The following CFAP77 variants were observed in gnomAD, a reference collection of about 807,000 sequenced individuals.
CFAP77 encodes the protein cilia and flagella associated protein 77, also known as cilia- and flagella-associated protein 77.
CFAP77 carries 25 observed loss-of-function variants against 31.1 expected under a neutral mutation model. The observed-to-expected ratio is 0.80, with a 90% CI of 0.59 to 1.12. CFAP77 has a LOEUF of 1.12. Among genes scored for constraint, CFAP77 ranks in the 50% most tolerant of loss-of-function variants. CFAP77 has a pLI of 0.00. For synonymous variants in CFAP77, 151 were observed against 159.9 expected (o/e 0.94, Z 0.42); for missense variants, 377 against 397.3 (o/e 0.95, Z 0.44).
chr9:132,547,997 GGA>G (rs1236349272), intron 5 of CFAP77, among the ~76,000 whole-genome samples: 2 of 152,136 alleles, frequency 1.3e-5, no homozygotes, highest in Non-Finnish European at 2.9e-5. Flanking sequence ...GCCCAAAGAT[GGA>G]GAGTGAGTGC....
chr9:132,544,793 G>A (rs1852707857), intron 5 of CFAP77, among the ~76,000 whole-genome samples: 1 of 152,162 alleles, frequency 6.6e-6, no homozygotes, highest in Admixed American at 6.5e-5. Context: ...ACCATGCTCA[G>A]CTACCTCCCT....
At chr9:132,523,637 G>A (rs1004715246) in intron 3 of CFAP77, among the ~76,000 whole-genome samples, 11 of 152,344 alleles carry the variant, frequency 7.2e-5, no homozygotes, top group African/African-American at 2.6e-4. Flanking sequence ...AGCCCTGACT[G>A]AGAGGCCTGT....
chr9:132,456,408 C>T (rs1850914084), intron 1 of CFAP77, among the ~76,000 whole-genome samples: 1 of 152,152 alleles, frequency 6.6e-6, no homozygotes, highest in Non-Finnish European at 1.5e-5. Flanking sequence ...CTTCATATTC[C>T]CTACGGCGCC....
chr9:132,537,581 T>C lies in CFAP77; in HGVS notation c.525-20T>C, dbSNP rs575580066. 6.3e-7 allele frequency: 1 copy of C among 1,596,324 alleles called. No individual in the cohort carries two copies. Among genetic ancestry groups the C allele is most frequent in the East Asian group, 2.2e-5 (1 of 44,556 alleles). Reference sequence around the variant, plus strand: ...GGTCTTTCCGGGGCCTCAAGCTCTGTCTGGACTTCTTCCCTCCAGGCCTTC... The same window carrying C: ...GGTCTTTCCGGGGCCTCAAGCTCTGCCTGGACTTCTTCCCTCCAGGCCTTC... On this transcript the variant is annotated intron_variant, in intron 3 of 5. Coordinates refer to ENST00000393216, the MANE Select transcript of CFAP77 (RefSeq NM_001282957.2).
intron 5 of CFAP77, among the ~76,000 whole-genome samples, chr9:132,559,366 A>AAAAAAAAAAAAAAAAAAT (rs1852959291): frequency 7.1e-6 from 1 of 141,292 alleles, no homozygotes. Context: ...AAAAAAAAAA[A>AAAAAAAAAAAAAAAAAAT]GGCAAAAGAT....
chr9:132,502,277 T>TGGGGG (rs140877509), intron 3 of CFAP77, among the ~76,000 whole-genome samples: 2 of 123,436 alleles, frequency 1.6e-5, no homozygotes, highest in African/African-American at 6.1e-5. Context: ...TTTTTTTTTT[T>TGGGGG]GGGGGAGGGG....
chr9:132,489,722 C>T (rs1254743378), intron 1 of CFAP77, among the ~76,000 whole-genome samples: 1 of 152,248 alleles, frequency 6.6e-6, no homozygotes. Flanking sequence ...GCCAGCTGTC[C>T]CAGGACCTTT....
In CFAP77 at chr9:132,499,359, T is replaced by C. The variant is rs372733329; in HGVS notation, c.296-13T>C. 4 of 1,613,278 alleles carry C rather than the reference T, an allele frequency of 2.5e-6. No individual in the cohort carries two copies. The highest frequency in any genetic ancestry group is 3.4e-6 in the Non-Finnish European group (4 of 1,179,640). ...GGCTGACCACTGCCCCGTGGGTCTC[T>C]CCCTGCCCTCAGCCATCGGACGCTG... On this transcript the variant is annotated splice_polypyrimidine_tract_variant and intron_variant, in intron 2 of 5. Coordinates refer to ENST00000393216, the MANE Select transcript of CFAP77 (RefSeq NM_001282957.2). This position sits in a 1 kb window ranked among gnomAD's most constrained non-coding sequence, Gnocchi z 5.4.
chr9:132,414,280 A>G (rs1157276198), intron 1 of CFAP77, among the ~76,000 whole-genome samples: 1 of 152,202 alleles, frequency 6.6e-6, no homozygotes, highest in Non-Finnish European at 1.5e-5. Context: ...AAGGTTTGTC[A>G]AGTGCCCAGT....
chr9:132,572,301 T>G, intron 5 of CFAP77, 87 bp from the exon 6 acceptor site: 1 of 1,438,306 alleles, frequency 7.0e-7, no homozygotes, highest in Non-Finnish European at 9.4e-7. Context: ...ATTCTAAGAT[T>G]GAAGCAGGGG....
chr9:132,569,838 C>A (rs1236427454), intron 5 of CFAP77, among the ~76,000 whole-genome samples: 1 of 149,582 alleles, frequency 6.7e-6, no homozygotes, highest in East Asian at 2.0e-4. Context: ...TGGGTTCAGG[C>A]GATTCTCCTG....
At chr9:132,436,379 G>T (rs1850504138) in intron 1 of CFAP77, among the ~76,000 whole-genome samples, 1 of 152,116 alleles carries the variant, frequency 6.6e-6, no homozygotes, top group African/African-American at 2.4e-5. Context: ...GGATCATCCA[G>T]GATGATCTCA....
intron 3 of CFAP77, among the ~76,000 whole-genome samples, chr9:132,503,212 G>A (rs993139037): frequency 6.6e-6 from 1 of 152,176 alleles, no homozygotes; most frequent in East Asian, 1.9e-4. Context: ...GGTCCCCCAA[G>A]GCATCCCCTG....
intron 1 of CFAP77, among the ~76,000 whole-genome samples, chr9:132,476,556 A>T (rs753677142): frequency 4.6e-5 from 7 of 152,070 alleles, no homozygotes; most frequent in Non-Finnish European, 1.0e-4. Flanking sequence ...CTGTGACCTT[A>T]CTTGGAAATA....
At chr9:132,436,415 AATGATCCT>A (rs2131696999) in intron 1 of CFAP77, among the ~76,000 whole-genome samples, 1 of 152,324 alleles carries the variant, frequency 6.6e-6, no homozygotes, top group South Asian at 2.1e-4. Context: ...TTGCATTTGC[AATGATCCT>A]TTTTCCAAAT....
chr9:132,552,728 T>A lies in CFAP77; in HGVS notation c.732+9681T>A, dbSNP rs1159634253. On this transcript the variant is annotated intron_variant, in intron 5 of 5. Coordinates refer to ENST00000393216, the MANE Select transcript of CFAP77 (RefSeq NM_001282957.2). The surrounding 1 kb of genome is among the most constrained non-coding windows in gnomAD (Gnocchi z 5.5). ...AAAAAAAAAAGCAGAGTCCAGGGCC[T>A]CTCCAGGACTCTGATCCAGTGGGTC... 6.8e-6 allele frequency among the ~76,000 whole-genome samples: 1 copy of A among 146,294 alleles called. No individual in the cohort carries two copies. Among genetic ancestry groups the A allele is most frequent in the East Asian group, 2.0e-4 (1 of 5,068 alleles).
At chr9:132,441,196 T>C (rs1002554479) in intron 1 of CFAP77, among the ~76,000 whole-genome samples, 1 of 152,214 alleles carries the variant, frequency 6.6e-6, no homozygotes, top group Admixed American at 6.5e-5. Flanking sequence ...ACTGTTTCTT[T>C]GGGAGTAGGG....
intron 1 of CFAP77, among the ~76,000 whole-genome samples, chr9:132,432,241 G>T (rs995387142): frequency 6.6e-6 from 1 of 152,130 alleles, no homozygotes; most frequent in African/African-American, 2.4e-5. Context: ...CCTGGATCTG[G>T]GGGAGGGCAA....
chr9:132,435,694 G>C (rs1051443944), intron 1 of CFAP77, among the ~76,000 whole-genome samples: 1 of 152,180 alleles, frequency 6.6e-6, no homozygotes, highest in South Asian at 2.1e-4. Context: ...ACAGCGTTTG[G>C]CACTGCCAAG....
Sources: allele counts gnomAD v4.1 joint callset (sites outside exome capture counted in the v4.1 genomes callset), GRCh38; gene constraint gnomAD v4.1.1; non-coding constraint Gnocchi (gnomAD v3.1); transcripts MANE v1.5; gene names NCBI Gene and HGNC (gene_info 2026-07-23, HGNC 2026-07-21).